Variants in RBL1 observed in about 807,000 individuals in gnomAD.
The protein encoded by RBL1 is retinoblastoma-like protein 1.
In RBL1, 82 loss-of-function variants were observed where a neutral mutation model predicts 123.0. That is an observed-to-expected ratio of 0.67 (90% CI 0.56 to 0.80). The LOEUF (loss-of-function observed/expected upper bound fraction) is 0.80, where lower values mean the gene tolerates loss of function less well. RBL1 is among the 30% of genes least tolerant of loss of function. The probability of loss-of-function intolerance (pLI) is 0.00; values close to 1 mark genes in which losing one functional copy is unlikely to be tolerated. For synonymous variants in RBL1, 405 were observed against 441.3 expected (o/e 0.92, Z 1.03); for missense variants, 1,171 against 1,299.6 (o/e 0.90, Z 1.52).
rs376493877 is a variant in RBL1, at chr20:37,069,522, C to T, written c.291-1336G>A. ...CTGGGATGTGAGGAGCACCTCTGCCCGGCTGCGACCCCGTCTGGGAGGTGA... is the reference window on the plus strand; with the variant it reads ...CTGGGATGTGAGGAGCACCTCTGCCTGGCTGCGACCCCGTCTGGGAGGTGA... On this transcript the variant is annotated intron_variant, in intron 2 of 21. Transcript: ENST00000373664. Among the ~76,000 whole-genome samples, 7 of 151,558 alleles carry T rather than the reference C, an allele frequency of 4.6e-5. No individual in the cohort carries two copies. The East Asian group carries it at 5.8e-4, about 13-fold the overall frequency.
chr20:37,061,208 G>A lies in RBL1; in HGVS notation c.1145C>T (p.Ala382Val), dbSNP rs2065088303. 6.2e-7 allele frequency: 1 copy of A among 1,613,950 alleles called. No individual in the cohort carries two copies. Among genetic ancestry groups the A allele is most frequent in the East Asian group, 2.2e-5 (1 of 44,892 alleles). The change falls in exon 9 of 22, where the codon GCA (alanine) becomes GTA (valine). Residue 382 changes from alanine to valine, a missense_variant. By Grantham distance (64) the Ala-to-Val change is moderately conservative. Transcript: ENST00000373664. ...TGRRYLREKE[A>V]VITPVASATQ... ...GGCTGATGCAACAGGAGTAATGACT[G>A]CTTCTTTTTCTCGTAAATATCTCCG...
At chr20:37,095,724 T>TG (rs1238424360) in intron 1 of RBL1, 49 bp downstream of exon 1, 1 of 1,471,384 alleles carries the variant, frequency 6.8e-7, no homozygotes, top group Non-Finnish European at 9.1e-7. Context: ...GGGGCAGGGG[T>TG]GGGGCCTGGC....
At position 37,065,410 on chromosome 20, in the gene RBL1, T is replaced by TA; in HGVS notation, c.896+13dup. On this transcript the variant is annotated intron_variant, in intron 7 of 21. Transcript: ENST00000373664. ...CTTGTGATAAGCCAGGCACCATTAGTACTAGATATTTACCTATTATCAGTA... is the reference window on the plus strand; with the variant it reads ...CTTGTGATAAGCCAGGCACCATTAGTAACTAGATATTTACCTATTATCAGTA... The TA allele has an allele frequency of 6.4e-7, 1 of 1,553,434 alleles. No homozygotes were observed. The highest frequency in any genetic ancestry group is 8.8e-7 in the Non-Finnish European group (1 of 1,134,712).
intron 19 of RBL1, among the ~76,000 whole-genome samples, chr20:37,011,433 A>T (rs977302182): frequency 2.2e-5 from 3 of 135,752 alleles, no homozygotes; most frequent in South Asian, 2.3e-4. Context: ...CAAGGTCAGA[A>T]TTTTTTTTTT....
intron 2 of RBL1, among the ~76,000 whole-genome samples, chr20:37,069,607 G>A (rs1243021711): frequency 7.4e-5 from 11 of 149,520 alleles, no homozygotes; most frequent in East Asian, 2.0e-4. Flanking sequence ...CCCGGCAACC[G>A]CCCCGTCTGA....
At position 37,067,135 on chromosome 20, in the gene RBL1, A is replaced by T. The variant is rs1207816797; in HGVS notation, c.557-14T>A. ...TCCGAAAATTACCTTTATAAGGGAA[A>T]AAAAAAAAAAAAAGACACAAAAACC... On this transcript the variant is annotated splice_polypyrimidine_tract_variant and intron_variant, in intron 4 of 21. Transcript: ENST00000373664. 5.6e-6 allele frequency: 7 copies of T among 1,256,084 alleles called. No homozygotes were observed. The highest frequency in any genetic ancestry group is 7.5e-6 in the Non-Finnish European group (7 of 929,252). 77.8% of individuals were successfully genotyped at this position (1,256,084 alleles called of 1,614,324 possible). A position where few individuals can be genotyped will look rare whatever the true frequency, so the allele number is the denominator to read the frequency against.
chr20:37,061,884 G>T (rs1470501063), intron 8 of RBL1, among the ~76,000 whole-genome samples, 200 bp downstream of exon 8: 1 of 152,180 alleles, frequency 6.6e-6, no homozygotes, highest in Non-Finnish European at 1.5e-5. Flanking sequence ...TGGGAAAATG[G>T]ATATAAAATA....
At chr20:37,000,320 T>TGG (rs1201224916) in intron 21 of RBL1, among the ~76,000 whole-genome samples, 1 of 145,696 alleles carries the variant, frequency 6.9e-6, no homozygotes, top group Non-Finnish European at 1.5e-5. Flanking sequence ...GGGAGGGAGG[T>TGG]GGGGGTCAGC....
intron 15 of RBL1, 142 bp from the exon 16 acceptor site, chr20:37,033,018 CTTTTTTT>C: frequency 1.1e-6 from 1 of 900,344 alleles, no homozygotes; most frequent in Non-Finnish European, 1.5e-6. Context: ...TGACTGAATT[CTTTTTTT>C]TTTTTTTTTT....
At chr20:37,042,961 C>T (rs1009651207) in intron 13 of RBL1, among the ~76,000 whole-genome samples, 2 of 147,804 alleles carry the variant, frequency 1.4e-5, no homozygotes, top group Non-Finnish European at 3.0e-5. Flanking sequence ...ATTTATCAAC[C>T]GATGAATGGA....
chr20:37,013,072 C>T (rs1340527974), intron 19 of RBL1, among the ~76,000 whole-genome samples: 2 of 152,208 alleles, frequency 1.3e-5, no homozygotes, highest in African/African-American at 4.8e-5. Flanking sequence ...CGGCCACCAC[C>T]CCGTCTGGGA....
At chr20:37,076,534 G>A (rs2065366621) in intron 2 of RBL1, among the ~76,000 whole-genome samples, 1 of 152,194 alleles carries the variant, frequency 6.6e-6, no homozygotes, top group Non-Finnish European at 1.5e-5. Flanking sequence ...CACGTCCCAA[G>A]CAGGATGGAG....
chr20:37,013,128 G>A (rs1052271030), intron 19 of RBL1, among the ~76,000 whole-genome samples: 5 of 152,232 alleles, frequency 3.3e-5, no homozygotes, highest in African/African-American at 9.6e-5. Context: ...TGAGAATGGC[G>A]GTTTTGTGGA....
rs545020382 is a variant in RBL1 at position 37,042,759 on chromosome 20, C to T, written c.1770+1327G>A. 2.6e-5 allele frequency among the ~76,000 whole-genome samples: 4 copies of T among 151,580 alleles called. No homozygotes were observed. The East Asian group carries it at 7.8e-4, about 29-fold the overall frequency. On this transcript the variant is annotated intron_variant, in intron 13 of 21. Transcript: ENST00000373664. ...CTCTACAAAAACTACAAAAATTAGC[C>T]AGGTGTGGTGTGTGTGCCTGTAGTC... is the stretch of plus-strand genomic sequence containing the variant.
At chr20:37,007,920 G>A (rs6093789) in intron 19 of RBL1, among the ~76,000 whole-genome samples, 44,375 of 151,872 alleles carry the variant, frequency 0.29, 7,835 homozygotes, top group African/African-American at 0.49. Context: ...ACAAGTTGGT[G>A]ATTTAAATGA....
At chr20:37,066,405 T>A (rs922656341) in intron 6 of RBL1, among the ~76,000 whole-genome samples, 9 of 152,258 alleles carry the variant, frequency 5.9e-5, no homozygotes, top group African/African-American at 1.7e-4. Context: ...AGTCAGCTTA[T>A]TCTGACCTCC....
chr20:37,000,204 C>G (rs375828659), intron 21 of RBL1, among the ~76,000 whole-genome samples: 1 of 143,102 alleles, frequency 7.0e-6, no homozygotes, highest in African/African-American at 2.6e-5. Context: ...AGTGAGGAGC[C>G]CCTCCGCCCA....
intron 19 of RBL1, among the ~76,000 whole-genome samples, chr20:37,009,908 C>G (rs2064125795): frequency 6.6e-6 from 1 of 151,910 alleles, no homozygotes; most frequent in African/African-American, 2.4e-5. Context: ...ACCTTTAGCC[C>G]TAGCTACTTG....
intron 19 of RBL1, among the ~76,000 whole-genome samples, chr20:37,009,170 G>A (rs972058950): frequency 1.3e-5 from 2 of 152,098 alleles, no homozygotes; most frequent in Admixed American, 6.6e-5. Context: ...GATTACAGAA[G>A]CATGCCACCA....
Sources: gnomAD v4.1 joint callset for allele counts (sites outside exome capture counted in the v4.1 genomes callset) on GRCh38, gnomAD v4.1.1 for gene constraint, MANE v1.5 for transcripts, NCBI Gene and HGNC (gene_info 2026-07-23, HGNC 2026-07-21) for gene names.